Variants in ATAD2B observed in about 807,000 individuals in gnomAD.
ATAD2B encodes ATPase family AAA domain-containing protein 2B.
Under a neutral mutation model 167.6 loss-of-function variants are expected in ATAD2B, and 40 were observed. The ratio of observed to expected loss-of-function variants is 0.24; its 90% CI spans 0.19 to 0.31. The LOEUF (loss-of-function observed/expected upper bound fraction) is 0.31, where lower values mean the gene tolerates loss of function less well. Ranked by LOEUF, ATAD2B falls within the 10% of genes least tolerant of loss-of-function variation. The pLI is 1.00. For missense variants in ATAD2B, 1,242 were observed against 1,757.2 expected (o/e 0.71, Z 5.24); for synonymous variants, 579 against 596.5 (o/e 0.97, Z 0.43).
intron 1 of ATAD2B, among the ~76,000 whole-genome samples, chr2:23,907,973 T>C (rs1701734199): frequency 6.6e-6 from 1 of 152,152 alleles, no homozygotes; most frequent in Non-Finnish European, 1.5e-5. Flanking sequence ...CCTTACACCT[T>C]ATACAAAAAT....
chr2:23,757,401 T>G lies in ATAD2B; in HGVS notation c.4078+17A>C. The G allele has an allele frequency of 6.9e-7, 1 of 1,457,122 alleles. No individual in the cohort carries two copies. Among genetic ancestry groups the G allele is most frequent in the Non-Finnish European group, 9.1e-7 (1 of 1,104,080 alleles). The allele number at this position is 1,457,122 out of a possible 1,614,324, so 90.3% of individuals were successfully genotyped here. A position where few individuals can be genotyped will look rare whatever the true frequency, so the allele number is the denominator to read the frequency against. ...GGAGTTTAAACCTTCAGAAGATTTT[T>G]CAAATATTAGCTCTACCTTCTTTAT... On this transcript the variant is annotated intron_variant, in intron 25 of 27. Transcript: ENST00000238789.
intron 17 of ATAD2B, among the ~76,000 whole-genome samples, chr2:23,817,039 G>A (rs1013035706): frequency 6.6e-6 from 1 of 152,080 alleles, no homozygotes; most frequent in African/African-American, 2.4e-5. Flanking sequence ...TAATGCTAAC[G>A]TATCTTGCTC....
intron 2 of ATAD2B, among the ~76,000 whole-genome samples, chr2:23,892,607 G>T (rs561289545): frequency 6.6e-6 from 1 of 151,904 alleles, no homozygotes; most frequent in Non-Finnish European, 1.5e-5. Context: ...AACTAGCTGG[G>T]TACAGGCACG....
chr2:23,693,791 G>A, the ATAD2B span, among the ~76,000 whole-genome samples: 1 of 152,220 alleles, frequency 6.6e-6, no homozygotes, highest in Non-Finnish European at 1.5e-5. Context: ...CTGAGCCAGG[G>A]GGCTCTGGGG....
intron 18 of ATAD2B, among the ~76,000 whole-genome samples, chr2:23,799,669 A>G (rs1334210923): frequency 6.6e-6 from 1 of 151,738 alleles, no homozygotes; most frequent in Non-Finnish European, 1.5e-5. Context: ...TTCTTTAATG[A>G]GTAAGCTTAC....
chr2:23,773,562 C>A (rs1678667563), intron 22 of ATAD2B, among the ~76,000 whole-genome samples: 1 of 152,164 alleles, frequency 6.6e-6, no homozygotes, highest in Admixed American at 6.5e-5. Context: ...TTGAAAACTG[C>A]ACATGAATAT....
chr2:23,910,036 G>GT (rs111942449), intron 1 of ATAD2B, among the ~76,000 whole-genome samples: 9,803 of 151,564 alleles, frequency 0.065, 406 homozygotes, highest in African/African-American at 0.12. Flanking sequence ...CTAATTTTTT[G>GT]TTTTTTTAAT....
chr2:23,823,138 T>C (rs1427118602), intron 16 of ATAD2B, 120 bp downstream of exon 16: 14 of 880,468 alleles, frequency 1.6e-5, no homozygotes, highest in Middle Eastern at 3.4e-4. Context: ...CTGGAATATA[T>C]AGTACTGAAT....
the ATAD2B span, among the ~76,000 whole-genome samples, chr2:23,742,707 T>G: frequency 6.6e-6 from 1 of 151,036 alleles, no homozygotes; most frequent in Non-Finnish European, 1.5e-5. Flanking sequence ...AGTATAATAA[T>G]AAAATACAAA....
At chr2:23,761,783 T>C (rs115811401) in intron 24 of ATAD2B, among the ~76,000 whole-genome samples, 2,968 of 152,190 alleles carry the variant, frequency 0.02, 36 homozygotes, top group Non-Finnish European at 0.031. Context: ...GAACACAAAA[T>C]AGTCTCTCAG....
the ATAD2B span, among the ~76,000 whole-genome samples, chr2:23,698,202 C>T: frequency 6.6e-6 from 1 of 152,178 alleles, no homozygotes; most frequent in African/African-American, 2.4e-5. Context: ...GCGAGACCAC[C>T]CCGGGAACCC....
At chr2:23,862,104 G>A (rs368680101) in intron 12 of ATAD2B, among the ~76,000 whole-genome samples, 11 of 152,002 alleles carry the variant, frequency 7.2e-5, no homozygotes, top group Non-Finnish European at 1.3e-4. Flanking sequence ...GGCCAAGGCC[G>A]GAAGATCACT....
chr2:23,842,892 C>T (rs552275215), intron 13 of ATAD2B, among the ~76,000 whole-genome samples: 35 of 152,168 alleles, frequency 2.3e-4, no homozygotes, highest in African/African-American at 8.4e-4. Flanking sequence ...GGAAATGTGG[C>T]TCATAAAATA....
At chr2:23,696,001 A>T in the ATAD2B span, 2 of 1,551,436 alleles carry the variant, frequency 1.3e-6, no homozygotes, top group Middle Eastern at 1.7e-4. This position sits in a 1 kb window ranked among gnomAD's most constrained non-coding sequence, Gnocchi z 5.5. Context: ...GGTGGGGATG[A>T]CCCAGCGCTC....
chr2:23,892,617 G>A (rs550506844), intron 2 of ATAD2B, among the ~76,000 whole-genome samples: 13 of 152,058 alleles, frequency 8.5e-5, no homozygotes, highest in East Asian at 1.9e-4. Flanking sequence ...GTACAGGCAC[G>A]CGCCGCCTTG....
chr2:23,781,913 A>C, intron 22 of ATAD2B, among the ~76,000 whole-genome samples: 1 of 152,066 alleles, frequency 6.6e-6, no homozygotes. Context: ...CCAGGGCTCA[A>C]GTGAGCCTCC....
At chr2:23,884,718 T>C (rs1378857618) in intron 6 of ATAD2B, 47 bp downstream of exon 6, 7 of 1,124,948 alleles carry the variant, frequency 6.2e-6, no homozygotes, top group Non-Finnish European at 8.8e-6. Flanking sequence ...TTATTTTTCT[T>C]CCCTCCCACC....
At chr2:23,745,417 GAAGGA>G (rs1674806183), downstream of ATAD2B, among the ~76,000 whole-genome samples, 1 of 113,336 alleles carries the variant, frequency 8.8e-6, no homozygotes, top group African/African-American at 3.8e-5. Flanking sequence ...AGGAAGGAAG[GAAGGA>G]AAGGGAAGGG....
At chr2:23,736,224 G>A in the ATAD2B span, among the ~76,000 whole-genome samples, 2 of 151,292 alleles carry the variant, frequency 1.3e-5, no homozygotes, top group Non-Finnish European at 3.0e-5. Context: ...GTTCCATAAA[G>A]GAACCCCCCC....
Sources: gnomAD v4.1 joint callset for allele counts (sites outside exome capture counted in the v4.1 genomes callset) on GRCh38, gnomAD v4.1.1 for gene constraint, Gnocchi (gnomAD v3.1) non-coding constraint, MANE v1.5 for transcripts, NCBI Gene and HGNC (gene_info 2026-07-23, HGNC 2026-07-21) for gene names.